LTBP1: variants seen among roughly 807,000 people sequenced by gnomAD.
The protein encoded by LTBP1 is latent transforming growth factor beta binding protein 1, also known as latent-transforming growth factor beta-binding protein 1.
In LTBP1, 129 loss-of-function variants were observed where a neutral mutation model predicts 207.6. The ratio of observed to expected loss-of-function variants is 0.62; its 90% CI spans 0.54 to 0.72. The LOEUF is 0.72. Among genes scored for constraint, LTBP1 ranks in the 30% least tolerant of loss-of-function variants. LTBP1 has a pLI of 0.00. For missense variants in LTBP1, 2,281 were observed against 2,217.2 expected, an observed-to-expected ratio of 1.03 and a Z score of -0.58; for synonymous variants, 963 against 833.7, an observed-to-expected ratio of 1.16 and a Z score of -2.67.
intron 11 of LTBP1, among the ~76,000 whole-genome samples, chr2:33,254,868 T>TTTTTTTTG (rs2092801249): frequency 8.4e-6 from 1 of 118,928 alleles, no homozygotes; most frequent in Non-Finnish European, 1.7e-5. Flanking sequence ...TTTTTTTTTT[T>TTTTTTTTG]TTTTTTTTTT....
chr2:32,947,426 G>A lies in LTBP1; in HGVS notation c.102G>A (p.Pro34=), dbSNP rs922033401. ...GGAGGATCACCTACGTGGTGCACCC[G>A]GGCCCCGGCCTGGCAGCCGGCGCCT... The part of the protein sequence containing the change: ...RLRRITYVVH[P]GPGLAAGALP... Residue 34 remains proline, a synonymous_variant, in exon 1 of 34, where the codon CCG becomes CCA. Transcript: ENST00000404816. 6 of 1,439,360 alleles carry A rather than the reference G, an allele frequency of 4.2e-6. No individual in the cohort carries two copies. In the African/African-American group the frequency reaches 4.5e-5, roughly 11 times the overall value. 89.2% of individuals were successfully genotyped at this position (1,439,360 alleles called of 1,614,324 possible).
At chr2:33,135,020 A>G in intron 5 of LTBP1, 60 bp downstream of exon 5, 2 of 1,484,810 alleles carry the variant, frequency 1.3e-6, no homozygotes, top group Non-Finnish European at 1.8e-6. Context: ...AGATTGTAGC[A>G]TTTAGACACC....
At chr2:33,215,242 G>A (rs891392466) in intron 7 of LTBP1, among the ~76,000 whole-genome samples, 1 of 152,034 alleles carries the variant, frequency 6.6e-6, no homozygotes, top group African/African-American at 2.4e-5. Flanking sequence ...CATGTTTCAT[G>A]ACCCTAGGAG....
At chr2:33,300,757 T>C (rs1487720885) in intron 21 of LTBP1, among the ~76,000 whole-genome samples, 184 bp downstream of exon 21, 1 of 152,216 alleles carries the variant, frequency 6.6e-6, no homozygotes, top group Non-Finnish European at 1.5e-5. Flanking sequence ...GACAGTTAAA[T>C]TTGAAAACCT....
intron 19 of LTBP1, among the ~76,000 whole-genome samples, chr2:33,291,071 A>G (rs1321753030): frequency 6.6e-6 from 1 of 152,212 alleles, no homozygotes; most frequent in Admixed American, 6.5e-5. Context: ...TTTCAGTTCA[A>G]ACTGTTCTAT....
chr2:33,282,412 G>T (rs954191951), intron 19 of LTBP1, among the ~76,000 whole-genome samples: 1 of 151,994 alleles, frequency 6.6e-6, no homozygotes, highest in African/African-American at 2.4e-5. Flanking sequence ...TTCTCATGAG[G>T]GCCTTTGCAG....
At chr2:33,240,642 A>ATTTTTTTTTTTTTTTTTTTTTTTTTTTT (rs1558869453) in intron 9 of LTBP1, among the ~76,000 whole-genome samples, 1 of 134,978 alleles carries the variant, frequency 7.4e-6, no homozygotes, top group Non-Finnish European at 1.6e-5. Flanking sequence ...TGATGGAAAC[A>ATTTTTTTTTTTTTTTTTTTTTTTTTTTT]TTCTTTTTTT....
intron 31 of LTBP1, among the ~76,000 whole-genome samples, chr2:33,388,175 G>C (rs1419421718): frequency 6.6e-6 from 1 of 152,156 alleles, no homozygotes; most frequent in Non-Finnish European, 1.5e-5. Flanking sequence ...GGGACAAATG[G>C]AGAACCAAAA....
rs144369252 is a variant in LTBP1, at chr2:33,033,455, T to G, written c.863+12249T>G. 2.3e-3 allele frequency among the ~76,000 whole-genome samples: 346 copies of G among 152,230 alleles called. 3 individuals are homozygous for G. Among genetic ancestry groups the G allele is most frequent in the African/African-American group, 7.8e-3 (322 of 41,524 alleles). ...AGGAAGATCTAACTAAACTTTAACC[T>G]TACAAGTACAAACCACTTCTAGGTG... On this transcript the variant is annotated intron_variant, in intron 3 of 33. Coordinates refer to ENST00000404816, the MANE Select transcript of LTBP1 (RefSeq NM_206943.4).
chr2:32,992,094 C>T (rs981526164), intron 2 of LTBP1, among the ~76,000 whole-genome samples: 1 of 152,158 alleles, frequency 6.6e-6, no homozygotes, highest in Non-Finnish European at 1.5e-5. Context: ...ACGATATCTG[C>T]TCAATTCAAC....
chr2:33,130,492 T>C (rs1268693147), intron 4 of LTBP1, among the ~76,000 whole-genome samples: 1 of 152,248 alleles, frequency 6.6e-6, no homozygotes, highest in African/African-American at 2.4e-5. Context: ...AAGGCAACTG[T>C]GCCCTTTTCT....
intron 2 of LTBP1, among the ~76,000 whole-genome samples, chr2:33,005,895 C>T (rs1396908020): frequency 1.3e-5 from 2 of 150,284 alleles, no homozygotes; most frequent in African/African-American, 4.9e-5. Flanking sequence ...CCGGCTCTGC[C>T]TTTTGATGGG....
At chr2:33,124,598 C>G (rs1558667958) in intron 4 of LTBP1, among the ~76,000 whole-genome samples, 2 of 152,156 alleles carry the variant, frequency 1.3e-5, no homozygotes, top group Non-Finnish European at 2.9e-5. Context: ...TAGTTATGAT[C>G]TGAAAGCAAA....
rs115955285 is a variant in LTBP1 at position 33,054,958 on chromosome 2, A to G, written c.863+33752A>G. Among the ~76,000 whole-genome samples the G allele has an allele frequency of 4.1e-3, 626 of 152,256 alleles. 7 individuals carry two copies. Among genetic ancestry groups the G allele is most frequent in the African/African-American group, 0.014 (578 of 41,532 alleles). On this transcript the variant is annotated intron_variant, in intron 3 of 33. Coordinates refer to ENST00000404816, the MANE Select transcript of LTBP1 (RefSeq NM_206943.4). ...AGGGGGCAGCTTTTTCTCACTGGAC[A>G]GTCTTTTTTAAGGTGTCCTAGTAAA...
At chr2:32,969,217 C>T (rs1386091351) in intron 2 of LTBP1, among the ~76,000 whole-genome samples, 1 of 142,768 alleles carries the variant, frequency 7.0e-6, no homozygotes, top group Non-Finnish European at 1.5e-5. Context: ...TGAGCCATGG[C>T]ACCTGGCCAA....
chr2:33,352,647 C>T (rs989669878), intron 26 of LTBP1, among the ~76,000 whole-genome samples: 1 of 152,138 alleles, frequency 6.6e-6, no homozygotes, highest in East Asian at 1.9e-4. Flanking sequence ...TACCTTCTCT[C>T]CTCGCCTCTC....
Position 33,313,611 on chromosome 2 carries a change from A to G in LTBP1, c.3605-1533A>G, listed in dbSNP as rs2094218254. 2.0e-5 allele frequency among the ~76,000 whole-genome samples: 3 copies of G among 152,208 alleles called. No individual in the cohort carries two copies. The South Asian group carries it at 6.2e-4, about 32-fold the overall frequency. On this transcript the variant is annotated intron_variant, in intron 23 of 33. Coordinates refer to ENST00000404816, the MANE Select transcript of LTBP1 (RefSeq NM_206943.4). ...GGAGGGCCTACGAGACTTGGGGAAG[A>G]TAGGAAAACGACCTTAGTGGAGGTA...
chr2:32,994,514 T>C (rs1221936140), intron 2 of LTBP1, among the ~76,000 whole-genome samples: 1 of 151,938 alleles, frequency 6.6e-6, no homozygotes, highest in Non-Finnish European at 1.5e-5. Flanking sequence ...TTGCCCAGGC[T>C]GGAGTGCAGT....
intron 8 of LTBP1, among the ~76,000 whole-genome samples, chr2:33,218,821 T>G (rs912880620): frequency 6.6e-6 from 1 of 152,232 alleles, no homozygotes; most frequent in Non-Finnish European, 1.5e-5. Flanking sequence ...CTCATATAAC[T>G]GAAGTTTTTA....
Sources: allele counts gnomAD v4.1 joint callset (sites outside exome capture counted in the v4.1 genomes callset), GRCh38; gene constraint gnomAD v4.1.1; transcripts MANE v1.5; gene names NCBI Gene and HGNC (gene_info 2026-07-23, HGNC 2026-07-21).